GBF1: variants seen among roughly 807,000 people sequenced by gnomAD.
GBF1 encodes the protein golgi brefeldin A resistant guanine nucleotide exchange factor 1.
A neutral mutation model predicts 210.5 loss-of-function variants in GBF1; 114 were observed. The observed-to-expected ratio is 0.54, with a 90% CI of 0.47 to 0.63. GBF1 has a LOEUF of 0.63. Ranked by LOEUF, GBF1 falls within the 30% of genes least tolerant of loss-of-function variation. The pLI is 0.00. For synonymous variants in GBF1, 850 were observed against 889.2 expected (o/e 0.96, Z 0.78); for missense variants, 1,851 against 2,357.7 (o/e 0.79, Z 4.45).
chr10:102,289,462 C>T (rs56105817), intron 3 of GBF1, among the ~76,000 whole-genome samples: 2 of 152,126 alleles, frequency 1.3e-5, no homozygotes, highest in South Asian at 2.1e-4. Context: ...TGGTGGCATG[C>T]GCCTGTAATC....
the GBF1 span, among the ~76,000 whole-genome samples, chr10:102,232,299 A>G: frequency 2.0e-5 from 3 of 152,226 alleles, no homozygotes; most frequent in Non-Finnish European, 4.4e-5. Flanking sequence ...CTGCATAGAT[A>G]TATAAACTAG....
At chr10:102,282,994 A>G (rs538678963) in intron 3 of GBF1, among the ~76,000 whole-genome samples, 189 of 152,296 alleles carry the variant, frequency 1.2e-3, no homozygotes, top group Non-Finnish European at 2.0e-3. Flanking sequence ...GCGGGTTACT[A>G]ATGATCCTAG....
intron 3 of GBF1, among the ~76,000 whole-genome samples, chr10:102,311,652 C>T (rs1277406829): frequency 2.0e-5 from 3 of 152,222 alleles, no homozygotes; most frequent in Non-Finnish European, 2.9e-5. Context: ...TTCATCCAAA[C>T]CAGCTTGGCT....
intron 7 of GBF1, 126 bp downstream of exon 7, chr10:102,352,644 G>C (rs1011755885): frequency 1.7e-5 from 12 of 706,182 alleles, no homozygotes; most frequent in Non-Finnish European, 3.1e-5. Context: ...GATTATGGAT[G>C]GGGGGTAGTT....
rs12219663 is a variant in GBF1 at position 102,323,081 on chromosome 10, C to T, written c.164-20970C>T. Among the ~76,000 whole-genome samples the T allele has an allele frequency of 6.7e-4, 102 of 152,096 alleles. 1 individual carries two copies. The highest frequency in any genetic ancestry group is 2.3e-3 in the African/African-American group (97 of 41,500). ...AGCTGAACACCTCTTCTCACAGTCT[C>T]TCCTGTGGTTGCAGTCAGCTGCGGC... On this transcript the variant is annotated intron_variant, in intron 3 of 39. Coordinates refer to ENST00000369983, the MANE Select transcript of GBF1 (RefSeq NM_001377137.1).
At chr10:102,234,054 CCT>C in the GBF1 span, among the ~76,000 whole-genome samples, 6 of 152,166 alleles carry the variant, frequency 3.9e-5, no homozygotes, top group Admixed American at 3.3e-4. Flanking sequence ...GGCCTCTCTG[CCT>C]CTCTCACCCC....
intron 3 of GBF1, among the ~76,000 whole-genome samples, chr10:102,296,984 G>T (rs1472253425): frequency 6.6e-6 from 1 of 151,676 alleles, no homozygotes; most frequent in East Asian, 1.9e-4. Flanking sequence ...GGCAGAGGTT[G>T]CAGTGAGCCT....
intron 3 of GBF1, among the ~76,000 whole-genome samples, chr10:102,310,960 C>T (rs756428498): frequency 5.3e-5 from 8 of 152,190 alleles, no homozygotes; most frequent in Non-Finnish European, 1.0e-4. Context: ...ACATGATGGC[C>T]TGGGGACTCA....
chr10:102,311,607 C>T (rs1718012157), intron 3 of GBF1, among the ~76,000 whole-genome samples: 1 of 152,182 alleles, frequency 6.6e-6, no homozygotes, highest in South Asian at 2.1e-4. Flanking sequence ...GATGAGAAAA[C>T]CTCTGTCATT....
In GBF1 at chr10:102,362,573, T is replaced by C. The variant is rs2059678612; in HGVS notation, c.1785T>C (p.Ala595=). The change falls in exon 15 of 40, where the codon GCT becomes GCC. Residue 595 remains alanine, a synonymous_variant. Coordinates refer to ENST00000369983, the MANE Select transcript of GBF1 (RefSeq NM_001377137.1). ...ACAGCACCGAGGCCCACTGCCAGGC[T>C]AAAGTCCTCAACAGCCTCACCCAGC... is the stretch of plus-strand genomic sequence containing the variant. ...VIDSTEAHCQ[A]KVLNSLTQQE... is the part of the protein sequence containing the mutation. The C allele has an allele frequency of 6.2e-7, 1 of 1,614,128 alleles. No individual in the cohort carries two copies. Among genetic ancestry groups the C allele is most frequent in the South Asian group, 1.1e-5 (1 of 91,072 alleles).
chr10:102,371,816 C>T (rs2060220161), intron 29 of GBF1, among the ~76,000 whole-genome samples: 1 of 151,908 alleles, frequency 6.6e-6, no homozygotes, highest in Non-Finnish European at 1.5e-5. Context: ...GTAATCCTAG[C>T]TACTTGGGAG....
At chr10:102,323,261 AGAAG>A (rs1348182780) in intron 3 of GBF1, among the ~76,000 whole-genome samples, 1 of 145,702 alleles carries the variant, frequency 6.9e-6, no homozygotes, top group Non-Finnish European at 1.5e-5. Context: ...AAAAAAAAAA[AGAAG>A]AAGAAGAAGC....
intron 3 of GBF1, among the ~76,000 whole-genome samples, chr10:102,324,580 G>A (rs1311915088): frequency 6.6e-6 from 1 of 151,992 alleles, no homozygotes; most frequent in Non-Finnish European, 1.5e-5. Flanking sequence ...ATTGGTGGCA[G>A]TTACTTGATC....
At chr10:102,265,967 G>A (rs557939143) in intron 3 of GBF1, among the ~76,000 whole-genome samples, 2 of 152,250 alleles carry the variant, frequency 1.3e-5, no homozygotes, top group South Asian at 4.1e-4. Context: ...GCCGGGTGCG[G>A]TGGCTCACGC....
chr10:102,307,271 C>G (rs532127137), intron 3 of GBF1, among the ~76,000 whole-genome samples: 1 of 152,170 alleles, frequency 6.6e-6, no homozygotes, highest in African/African-American at 2.4e-5. Flanking sequence ...CCAAGAGCCT[C>G]AGGATGATAA....
intron 3 of GBF1, among the ~76,000 whole-genome samples, chr10:102,301,742 G>A (rs1447257119): frequency 8.7e-5 from 13 of 148,774 alleles, no homozygotes; most frequent in African/African-American, 2.7e-4. Context: ...CTTCCTAGAC[G>A]GGATGGCGGC....
At position 102,351,146 on chromosome 10, in the gene GBF1, G is replaced by T. The variant is rs528326836; in HGVS notation, c.296-110G>T. 4.3e-5 allele frequency: 27 copies of T among 625,510 alleles called. No homozygotes were observed. The African/African-American group carries it at 4.5e-4, about 10-fold the overall frequency. 38.7% of individuals were successfully genotyped at this position (625,510 alleles called of 1,614,324 possible). On this transcript the variant is annotated intron_variant, in intron 4 of 39. Coordinates refer to ENST00000369983, the MANE Select transcript of GBF1 (RefSeq NM_001377137.1). ...ATTCTCAGGTAGCTCAAGGAGCCAC[G>T]GGTTAGGGAACTGAAGAGGAAAAAC... is the stretch of plus-strand genomic sequence containing the variant.
At chr10:102,349,108 C>T (rs904958602) in intron 4 of GBF1, among the ~76,000 whole-genome samples, 1 of 152,088 alleles carries the variant, frequency 6.6e-6, no homozygotes, top group African/African-American at 2.4e-5. Flanking sequence ...ATGATTGCAC[C>T]ACTGCACCCC....
At chr10:102,361,609 C>T (rs866096667) in intron 13 of GBF1, 109 bp from the exon 14 acceptor site, 21 of 702,752 alleles carry the variant, frequency 3.0e-5, no homozygotes, top group Non-Finnish European at 4.8e-5. Context: ...TAATACATGC[C>T]TCTAGGCTGG....
Sources: allele counts gnomAD v4.1 joint callset (sites outside exome capture counted in the v4.1 genomes callset), GRCh38; gene constraint gnomAD v4.1.1; transcripts MANE v1.5; gene names NCBI Gene and HGNC (gene_info 2026-07-23, HGNC 2026-07-21).